Variants in CASK observed in about 807,000 individuals in gnomAD.
CASK encodes peripheral plasma membrane protein CASK.
Under a neutral mutation model 82.9 loss-of-function variants are expected in CASK, and 4 were observed. That is an observed-to-expected ratio of 0.05 (90% CI 0.02 to 0.11). The LOEUF (loss-of-function observed/expected upper bound fraction) is 0.11, where lower values mean the gene tolerates loss of function less well. CASK is among the 10% of genes least tolerant of loss of function. The pLI is 1.00. For synonymous variants in CASK, 259 were observed against 253.5 expected, an observed-to-expected ratio of 1.02 and a Z score of -0.20; for missense variants, 358 against 720.9, an observed-to-expected ratio of 0.50 and a Z score of 5.76.
At chrX:41,670,883 A>C (rs2067188142) in intron 6 of CASK, among the ~76,000 whole-genome samples, 2 of 112,405 alleles carry the variant, frequency 1.8e-5, no homozygotes, top group South Asian at 7.2e-4. Flanking sequence ...AAGATTATAT[A>C]ATTTGTAACT....
At chrX:41,709,900 C>T (rs1040467267) in intron 5 of CASK, among the ~76,000 whole-genome samples, 2 of 110,873 alleles carry the variant, frequency 1.8e-5, no homozygotes, top group Non-Finnish European at 3.8e-5. Context: ...GAGCAGGGGA[C>T]TTCACCTTAA....
intron 5 of CASK, among the ~76,000 whole-genome samples, chrX:41,715,966 T>G (rs965479776): frequency 9.0e-6 from 1 of 111,712 alleles, no homozygotes; most frequent in African/African-American, 3.3e-5. Flanking sequence ...AGACACTGAT[T>G]CTGGACTGGG....
intron 5 of CASK, among the ~76,000 whole-genome samples, chrX:41,737,998 G>T (rs1216918830): frequency 8.9e-6 from 1 of 112,431 alleles, no homozygotes; most frequent in Admixed American, 9.3e-5. Flanking sequence ...TTTTTGAGAC[G>T]GAGTCTCGCT....
chrX:41,748,034 C>T (rs2068722261), intron 3 of CASK, among the ~76,000 whole-genome samples: 1 of 112,047 alleles, frequency 8.9e-6, no homozygotes, highest in Non-Finnish European at 1.9e-5. Context: ...GACTAAAAAA[C>T]ATCTCATAGC....
intron 1 of CASK, among the ~76,000 whole-genome samples, chrX:41,913,154 C>T (rs1030095067): frequency 2.1e-4 from 23 of 111,186 alleles, no homozygotes; most frequent in Non-Finnish European, 4.1e-4. Flanking sequence ...TACCAAGTTA[C>T]GCAGAGGATA....
rs971106180 is a variant in CASK at position 41,916,201 on chromosome X, C to T, written c.59+6729G>A. On this transcript the variant is annotated intron_variant, in intron 1 of 26. Transcript: ENST00000378163. ...CAAAAAAAGAAAATAAAATTTACTA[C>T]GTGCATCATTACTTTTATAATTTAC... Among the ~76,000 whole-genome samples, 3 of 112,442 alleles carry T rather than the reference C, an allele frequency of 2.7e-5. No homozygotes were observed. In the South Asian group the frequency reaches 1.1e-3, roughly 41 times the overall value.
At chrX:41,532,282 T>C (rs1401418499) in intron 24 of CASK, among the ~76,000 whole-genome samples, 1 of 112,226 alleles carries the variant, frequency 8.9e-6, no homozygotes, top group Non-Finnish European at 1.9e-5. Context: ...AACACAGCCA[T>C]GTGCTTTTGT....
chrX:41,855,942 T>C (rs1376244863), intron 1 of CASK, among the ~76,000 whole-genome samples: 1 of 112,359 alleles, frequency 8.9e-6, no homozygotes, highest in African/African-American at 3.2e-5. Context: ...GCAGTCTATG[T>C]TTTTAAGCAA....
chrX:41,715,623 G>GAAA (rs1458553381), intron 5 of CASK, among the ~76,000 whole-genome samples: 1 of 84,188 alleles, frequency 1.2e-5, no homozygotes, highest in Non-Finnish European at 2.4e-5. Flanking sequence ...ACTCTGACTT[G>GAAA]AAAAAAAAAA....
At chrX:41,882,952 C>T (rs2071978571) in intron 1 of CASK, among the ~76,000 whole-genome samples, 1 of 111,792 alleles carries the variant, frequency 8.9e-6, no homozygotes, top group African/African-American at 3.2e-5. Flanking sequence ...AGTAAATAAA[C>T]CCCAAGCTGC....
At chrX:41,596,833 C>T (rs891692542) in intron 12 of CASK, among the ~76,000 whole-genome samples, 2 of 111,804 alleles carry the variant, frequency 1.8e-5, no homozygotes, top group Non-Finnish European at 1.9e-5. Flanking sequence ...ATACCTACAC[C>T]GACACGCTTC....
intron 12 of CASK, among the ~76,000 whole-genome samples, chrX:41,595,883 T>C (rs2065813463): frequency 1.8e-5 from 2 of 111,951 alleles, no homozygotes; most frequent in Non-Finnish European, 3.8e-5. Flanking sequence ...ATTCTATTTA[T>C]AGGCTGCAGG....
At chrX:41,899,662 T>C (rs1220470626) in intron 1 of CASK, among the ~76,000 whole-genome samples, 4 of 111,650 alleles carry the variant, frequency 3.6e-5, no homozygotes, top group Non-Finnish European at 7.5e-5. Flanking sequence ...AGTACGACAC[T>C]TTTTCTCCTC....
intron 25 of CASK, 124 bp from the exon 26 acceptor site, chrX:41,524,158 C>T (rs917573812): frequency 1.7e-5 from 9 of 537,049 alleles, no homozygotes; most frequent in African/African-American, 1.7e-4. Context: ...AAATTTTTGG[C>T]AAGGTATTAT....
chrX:41,673,842 T>TG (rs2067229486), intron 5 of CASK, among the ~76,000 whole-genome samples: 1 of 103,914 alleles, frequency 9.6e-6, no homozygotes, highest in Non-Finnish European at 2.0e-5. Context: ...TTTTTTTTTT[T>TG]TTTTTTTTTT....
intron 2 of CASK, among the ~76,000 whole-genome samples, chrX:41,844,084 T>C (rs2071101197): frequency 8.9e-6 from 1 of 111,828 alleles, no homozygotes. Flanking sequence ...GATTTAACTT[T>C]CTGAAGAACT....
At chrX:41,830,593 G>A (rs1290664608) in intron 2 of CASK, among the ~76,000 whole-genome samples, 1 of 108,608 alleles carries the variant, frequency 9.2e-6, no homozygotes, top group Non-Finnish European at 1.9e-5. Context: ...GGCCAAGGTG[G>A]GCGGATCATG....
At chrX:41,849,212 T>C (rs1288296196) in intron 2 of CASK, among the ~76,000 whole-genome samples, 2 of 112,076 alleles carry the variant, frequency 1.8e-5, no homozygotes, top group African/African-American at 6.5e-5. Context: ...AATTGAGTCC[T>C]ATCAAGAACT....
intron 6 of CASK, among the ~76,000 whole-genome samples, chrX:41,669,648 G>C (rs1023878373): frequency 1.8e-5 from 2 of 111,829 alleles, no homozygotes; most frequent in Non-Finnish European, 3.8e-5. Context: ...AAATAATTTA[G>C]GATTTTCACT....
Sources: gnomAD v4.1 joint callset for allele counts (sites outside exome capture counted in the v4.1 genomes callset) on GRCh38, gnomAD v4.1.1 for gene constraint, MANE v1.5 for transcripts, NCBI Gene and HGNC (gene_info 2026-07-23, HGNC 2026-07-21) for gene names.